MUC17: variants seen among roughly 807,000 people sequenced by gnomAD.
MUC17 encodes the protein mucin-17.
MUC17 carries 190 observed loss-of-function variants against 170.3 expected under a neutral mutation model. That is an observed-to-expected ratio of 1.12 (90% confidence interval 0.99 to 1.26). The LOEUF (loss-of-function observed/expected upper bound fraction) is 1.26, where lower values mean the gene tolerates loss of function less well. Among genes scored for constraint, MUC17 ranks in the 50% most tolerant of loss-of-function variants. The pLI, the probability that MUC17 is intolerant of heterozygous loss-of-function variation, is 0.00. For synonymous variants in MUC17, 2,325 were observed against 2,002.5 expected (o/e 1.16, Z -4.30); for missense variants, 6,415 against 5,530.0 (o/e 1.16, Z -5.08).
rs763251940 is a variant in MUC17 at position 101,038,528 on chromosome 7, C to G, written c.7112C>G (p.Thr2371Ser). Residue 2371 changes from threonine to serine, a missense_variant, in exon 3 of 13, where the codon ACT (threonine) becomes AGT (serine). Coordinates refer to ENST00000306151, the MANE Select transcript of MUC17 (RefSeq NM_001040105.2). ...GCTGACACCAGCACACCTGTGACTACTTATTCTCAAGCCGGTTCATCTCCT... is the reference window on the plus strand; with the variant it reads ...GCTGACACCAGCACACCTGTGACTAGTTATTCTCAAGCCGGTTCATCTCCT... Reference protein sequence around the residue: ...TPADTSTPVTTYSQAGSSPTT... With the variant: ...TPADTSTPVTSYSQAGSSPTT... 99 of 1,613,842 alleles carry G rather than the reference C, an allele frequency of 6.1e-5. No homozygotes were observed. The highest frequency in any genetic ancestry group is 8.2e-5 in the Non-Finnish European group (97 of 1,179,878).
Position 101,038,408 on chromosome 7 carries a change from C to G in MUC17, c.6992C>G (p.Ser2331Ter), listed in dbSNP as rs761227351. ...GCTGAAGGTACCAGCATGCCAACCT[C>G]AACTTCTAGTGAAGGAAACACTCCA... is the stretch of plus-strand genomic sequence containing the variant. Reference protein sequence around the residue: ...PTAEGTSMPTSTSSEGNTPLT... With the variant: ...PTAEGTSMPT The change falls in exon 3 of 13, where the codon TCA becomes TGA. Residue 2331 changes from serine to a stop codon, truncating the protein, a stop_gained. Coordinates refer to ENST00000306151, the MANE Select transcript of MUC17 (RefSeq NM_001040105.2). LOFTEE classifies it high-confidence loss of function. 9.3e-6 allele frequency: 15 copies of G among 1,613,984 alleles called. No homozygotes were observed. Among genetic ancestry groups the G allele is most frequent in the Non-Finnish European group, 1.2e-5 (14 of 1,180,022 alleles).
In MUC17 at chr7:101,043,490, C is replaced by T; in HGVS notation, c.12074C>T (p.Ala4025Val). The T allele has an allele frequency of 6.2e-7, 1 of 1,614,232 alleles. No individual in the cohort carries two copies. Among genetic ancestry groups the T allele is most frequent in the Non-Finnish European group, 8.5e-7 (1 of 1,180,032 alleles). Residue 4025 changes from alanine (A) to valine (V), a missense_variant, in exon 3 of 13, where the codon GCA becomes GTA. Ala to Val is a moderately conservative substitution (Grantham distance 64). Transcript: ENST00000306151. ...RTTSRGCTTS[A>V]STLSATSTPH... is the part of the protein sequence containing the mutation. ...ACCAGCAGAGGCTGCACTACTTCTG[C>T]ATCAACGCTTTCTGCAACCAGTACA...
At chr7:101,052,852 G>T in intron 9 of MUC17, 134 bp from the exon 10 acceptor site, 1 of 993,704 alleles carries the variant, frequency 1.0e-6, no homozygotes, top group Admixed American at 2.7e-5. Context: ...TCCCCTCGGG[G>T]TGCCTTGCTT....
In MUC17 at chr7:101,038,853, T is replaced by A. The variant is rs554493243; in HGVS notation, c.7437T>A (p.Thr2479=). Residue 2479 remains threonine, a synonymous_variant, in exon 3 of 13, where the codon ACT becomes ACA. Transcript: ENST00000306151. The part of the protein sequence containing the change: ...VSSEAGTLST[T]PVDTSTPMTT... ...CTGAGGCTGGCACCCTTTCCACAACTCCTGTTGACACCAGCACACCTATGA... is the reference window on the plus strand; with the variant it reads ...CTGAGGCTGGCACCCTTTCCACAACACCTGTTGACACCAGCACACCTATGA... 32 of 1,612,786 alleles carry A rather than the reference T, an allele frequency of 2.0e-5. No homozygotes were observed. The highest frequency in any genetic ancestry group is 1.2e-4 in the African/African-American group (9 of 74,908).
Position 101,037,826 on chromosome 7 carries a change from C to A in MUC17, c.6410C>A (p.Thr2137Asn). Residue 2137 changes from threonine (T) to asparagine (N), a missense_variant, in exon 3 of 13, where the codon ACT (threonine) becomes AAT (asparagine). Coordinates refer to ENST00000306151, the MANE Select transcript of MUC17 (RefSeq NM_001040105.2). ...TCCAACAGTCCTGTGATCACTTCTA[C>A]TGAAGTCAGTTCATCTCCTATACCT... is the stretch of plus-strand genomic sequence containing the variant. Reference protein sequence around the residue: ...VDSNSPVITSTEVSSSPIPTE... With the variant: ...VDSNSPVITSNEVSSSPIPTE... 1 of 1,613,800 alleles carries A rather than the reference C, an allele frequency of 6.2e-7. No individual in the cohort carries two copies. The highest frequency in any genetic ancestry group is 8.5e-7 in the Non-Finnish European group (1 of 1,179,804).
chr7:101,035,701 A>T lies in MUC17; in HGVS notation c.4285A>T (p.Thr1429Ser). 1 of 1,608,574 alleles carries T rather than the reference A, an allele frequency of 6.2e-7. No homozygotes were observed. Among genetic ancestry groups the T allele is most frequent in the Non-Finnish European group, 8.5e-7 (1 of 1,176,944 alleles). Residue 1429 changes from threonine (T) to serine (S), a missense_variant, in exon 3 of 13, where the codon ACT (threonine) becomes TCT (serine). Transcript: ENST00000306151. ...TGTTGACACCAGCACCCCTGGGACC[A>T]CTTCTGCTGAAGCCACTTCATCTCC... ...TPVDTSTPGT[T>S]SAEATSSPTT...
In MUC17 at chr7:101,041,857, A is replaced by T; in HGVS notation, c.10441A>T (p.Thr3481Ser). Reference protein sequence around the residue: ...ASSEASTLSTTPVDTSTPVTT... With the variant: ...ASSEASTLSTSPVDTSTPVTT... The stretch of plus-strand genomic sequence containing the variant: ...TTCTGAGGCTAGCACCCTTTCAACA[A>T]CTCCTGTTGACACCAGCACACCTGT... The change falls in exon 3 of 13, where the codon ACT (threonine) becomes TCT (serine). Residue 3481 changes from threonine (T) to serine (S), a missense_variant. Physicochemically the swap from Thr to Ser is moderately conservative, Grantham distance 58. Transcript: ENST00000306151. 6.2e-7 allele frequency: 1 copy of T among 1,613,080 alleles called. No individual in the cohort carries two copies. Among genetic ancestry groups the T allele is most frequent in the Non-Finnish European group, 8.5e-7 (1 of 1,179,690 alleles).
chr7:101,036,504 T>G lies in MUC17; in HGVS notation c.5088T>G (p.Thr1696=). The G allele has an allele frequency of 1.2e-6, 2 of 1,610,788 alleles. No individual in the cohort carries two copies. The highest frequency in any genetic ancestry group is 1.7e-6 in the Non-Finnish European group (2 of 1,178,204). Residue 1696 remains threonine, a synonymous_variant, in exon 3 of 13, where the codon ACT becomes ACG. Coordinates refer to ENST00000306151, the MANE Select transcript of MUC17 (RefSeq NM_001040105.2). ...GAAGAACTCCTTTAACAAGTATAACTGTCAGAACAACACCGGTGGCCAGCT... is the reference window on the plus strand; with the variant it reads ...GAAGAACTCCTTTAACAAGTATAACGGTCAGAACAACACCGGTGGCCAGCT... ...TEGRTPLTSI[T]VRTTPVASSA... is the part of the protein sequence containing the mutation.
chr7:101,031,150 G>C lies in MUC17; in HGVS notation c.113G>C (p.Gly38Ala). The C allele has an allele frequency of 6.2e-7, 1 of 1,613,898 alleles. No homozygotes were observed. Among genetic ancestry groups the C allele is most frequent in the Non-Finnish European group, 8.5e-7 (1 of 1,179,896 alleles). ...DLSVNRAVWD[G>A]GGCISQGDVL... Reference sequence around the variant, plus strand: ...AGTGTGAACAGGGCTGTGTGGGATGGAGGAGGGTGCATCTCCCAAGGGGAC... The same window carrying C: ...AGTGTGAACAGGGCTGTGTGGGATGCAGGAGGGTGCATCTCCCAAGGGGAC... Residue 38 changes from glycine to alanine, a missense_variant, in exon 2 of 13, where the codon GGA becomes GCA. Gly to Ala is a moderately conservative substitution (Grantham distance 60). Transcript: ENST00000306151.
chr7:101,035,236 A>C lies in MUC17; in HGVS notation c.3820A>C (p.Ser1274Arg). 6.2e-7 allele frequency: 1 copy of C among 1,608,894 alleles called. No homozygotes were observed. Among genetic ancestry groups the C allele is most frequent in the Non-Finnish European group, 8.5e-7 (1 of 1,176,612 alleles). ...EGTSLPTSTTSEGSTLLTSIP... is the reference protein window; with the variant it reads ...EGTSLPTSTTREGSTLLTSIP... ...TACCAGCTTGCCAACCTCAACTACT[A>C]GTGAAGGAAGTACTCTATTAACAAG... Residue 1274 changes from serine (S) to arginine (R), a missense_variant, in exon 3 of 13, where the codon AGT becomes CGT. Transcript: ENST00000306151.
intron 11 of MUC17, among the ~76,000 whole-genome samples, chr7:101,054,252 G>A (rs1214436232): frequency 6.6e-6 from 1 of 152,106 alleles, no homozygotes; most frequent in East Asian, 1.9e-4. Flanking sequence ...CCACTGGGGA[G>A]ACACAGGTTC....
Position 101,039,135 on chromosome 7 carries a change from C to A in MUC17, c.7719C>A (p.Ser2573Arg). 1 of 1,613,528 alleles carries A rather than the reference C, an allele frequency of 6.2e-7. No homozygotes were observed. The highest frequency in any genetic ancestry group is 1.1e-5 in the South Asian group (1 of 91,058). ...SMPTSTYSEGSTPLRSMPVST... is the reference protein window; with the variant it reads ...SMPTSTYSEGRTPLRSMPVST... ...CTACCTCAACTTATAGTGAAGGAAG[C>A]ACTCCATTAAGAAGTATGCCTGTCA... Residue 2573 changes from serine (S) to arginine (R), a missense_variant, in exon 3 of 13, where the codon AGC becomes AGA. Transcript: ENST00000306151.
In MUC17 at chr7:101,041,270, G is replaced by A. The variant is rs149757750; in HGVS notation, c.9854G>A (p.Ser3285Asn). ...TPSEGSTPLT[S>N]MPVSTTTVAS... is the part of the protein sequence containing the mutation. ...AGTGAAGGAAGCACTCCATTAACAA[G>A]TATGCCTGTCAGCACCACAACGGTG... is the stretch of plus-strand genomic sequence containing the variant. The change falls in exon 3 of 13, where the codon AGT becomes AAT. Residue 3285 changes from serine to asparagine, a missense_variant. By Grantham distance (46) the Ser-to-Asn change is conservative. Transcript: ENST00000306151. 7.2e-4 allele frequency: 1,164 copies of A among 1,607,362 alleles called. 2 individuals are homozygous for A. The African/African-American group carries it at 0.015, about 20-fold the overall frequency.
rs1482364678 is a variant in MUC17 at position 101,034,937 on chromosome 7, G to A, written c.3521G>A (p.Ser1174Asn). Residue 1174 changes from serine (S) to asparagine (N), a missense_variant, in exon 3 of 13, where the codon AGT (serine) becomes AAT (asparagine). By Grantham distance (46) the Ser-to-Asn change is conservative. Coordinates refer to ENST00000306151, the MANE Select transcript of MUC17 (RefSeq NM_001040105.2). ...CCTGTCAGCACCACGCTGGTGGTCA[G>A]TTCTGAGGCTAACACCCTTTCAACA... Reference protein sequence around the residue: ...SMPVSTTLVVSSEANTLSTTP... With the variant: ...SMPVSTTLVVNSEANTLSTTP... 1 of 1,614,100 alleles carries A rather than the reference G, an allele frequency of 6.2e-7. No homozygotes were observed. The highest frequency in any genetic ancestry group is 8.5e-7 in the Non-Finnish European group (1 of 1,179,996).
chr7:101,036,436 C>T lies in MUC17; in HGVS notation c.5020C>T (p.Pro1674Ser), dbSNP rs770249294. The part of the protein sequence containing the change: ...TSTEVSSSPT[P>S]AEGTSMPTST... ...TACTGAAGTCAGTTCATCTCCTACA[C>T]CTGCTGAAGGTACCAGCATGCCAAC... The change falls in exon 3 of 13, where the codon CCT (proline) becomes TCT (serine). Residue 1674 changes from proline (P) to serine (S), a missense_variant. Pro to Ser is a moderately conservative substitution (Grantham distance 74). Coordinates refer to ENST00000306151, the MANE Select transcript of MUC17 (RefSeq NM_001040105.2). The T allele has an allele frequency of 1.3e-5, 21 of 1,608,738 alleles. No individual in the cohort carries two copies. In the African/African-American group the frequency reaches 2.6e-4, roughly 20 times the overall value.
In MUC17 at chr7:101,036,363, C is replaced by G. The variant is rs781128661; in HGVS notation, c.4947C>G (p.Ser1649Arg). ...STTPVASPEA[S>R]TLSTTPVDSN... Reference sequence around the variant, plus strand: ...CGCCGGTGGCCAGTCCTGAGGCTAGCACCCTTTCAACAACTCCTGTTGACT... The same window carrying G: ...CGCCGGTGGCCAGTCCTGAGGCTAGGACCCTTTCAACAACTCCTGTTGACT... Residue 1649 changes from serine to arginine, a missense_variant, in exon 3 of 13, where the codon AGC (serine) becomes AGG (arginine). By Grantham distance (110) the Ser-to-Arg change is moderately radical (BLOSUM62 -1). Coordinates refer to ENST00000306151, the MANE Select transcript of MUC17 (RefSeq NM_001040105.2). 102 of 1,612,908 alleles carry G rather than the reference C, an allele frequency of 6.3e-5. 1 individual carries two copies. Among genetic ancestry groups the G allele is most frequent in the Non-Finnish European group, 8.6e-5 (102 of 1,179,604 alleles).
intron 1 of MUC17, among the ~76,000 whole-genome samples, chr7:101,023,756 G>A (rs1794134620): frequency 6.6e-6 from 1 of 152,182 alleles, no homozygotes; most frequent in African/African-American, 2.4e-5. Flanking sequence ...TGGGATTGCA[G>A]GATCAAATGG....
chr7:101,026,862 G>A (rs1055985787), intron 1 of MUC17, among the ~76,000 whole-genome samples: 1 of 152,062 alleles, frequency 6.6e-6, no homozygotes, highest in African/African-American at 2.4e-5. Flanking sequence ...CTACAGGCAC[G>A]CACCACCATG....
intron 1 of MUC17, among the ~76,000 whole-genome samples, chr7:101,020,959 G>A (rs1794065895): frequency 6.6e-6 from 1 of 152,130 alleles, no homozygotes; most frequent in Non-Finnish European, 1.5e-5. Flanking sequence ...AGGGCGCAGG[G>A]GAACCAAGAC....
Sources: gnomAD v4.1 joint callset for allele counts (sites outside exome capture counted in the v4.1 genomes callset) on GRCh38, gnomAD v4.1.1 for gene constraint, MANE v1.5 for transcripts, NCBI Gene and HGNC (gene_info 2026-07-23, HGNC 2026-07-21) for gene names.